The following CSMD3 variants were observed in gnomAD, a reference collection of about 807,000 sequenced individuals.
CSMD3 encodes CUB and sushi domain-containing protein 3.
In CSMD3, 177 loss-of-function variants were observed where a neutral mutation model predicts 435.2. The ratio of observed to expected loss-of-function variants is 0.41; its 90% CI spans 0.36 to 0.46. CSMD3 has a LOEUF of 0.46. Ranked by LOEUF, CSMD3 falls within the 20% of genes least tolerant of loss-of-function variation. CSMD3 has a pLI of 0.34. For missense variants in CSMD3, 4,265 were observed against 4,504.6 expected, an observed-to-expected ratio of 0.95 and a Z score of 1.52; for synonymous variants, 1,656 against 1,520.5, an observed-to-expected ratio of 1.09 and a Z score of -2.07.
intron 3 of CSMD3, among the ~76,000 whole-genome samples, chr8:113,276,216 A>G (rs1461071880): frequency 4.6e-5 from 7 of 152,102 alleles, no homozygotes; most frequent in Admixed American, 4.6e-4. Flanking sequence ...ATGGCCAAAA[A>G]GCCTTTGAAG....
At chr8:112,906,165 G>A (rs2082256417) in intron 10 of CSMD3, among the ~76,000 whole-genome samples, 1 of 151,192 alleles carries the variant, frequency 6.6e-6, no homozygotes, top group East Asian at 2.0e-4. Context: ...CGAATCTATG[G>A]CTATTTAGTA....
At chr8:112,485,395 C>T (rs1185536726) in intron 31 of CSMD3, among the ~76,000 whole-genome samples, 1 of 152,094 alleles carries the variant, frequency 6.6e-6, no homozygotes, top group African/African-American at 2.4e-5. Context: ...AATCTTTTGT[C>T]TGCATGCTTT....
intron 5 of CSMD3, among the ~76,000 whole-genome samples, chr8:113,041,226 TG>T (rs371130335): frequency 0.023 from 933 of 39,976 alleles, 11 homozygotes; most frequent in African/African-American, 0.077. Flanking sequence ...AAGGGGGGGG[TG>T]GGGGGGAAGG....
chr8:113,296,833 C>A (rs759416925), intron 2 of CSMD3, among the ~76,000 whole-genome samples: 6 of 152,048 alleles, frequency 3.9e-5, no homozygotes, highest in Non-Finnish European at 7.4e-5. Flanking sequence ...AAATAGTTGC[C>A]CCATCACGAA....
intron 22 of CSMD3, among the ~76,000 whole-genome samples, chr8:112,605,087 C>T (rs1323767569): frequency 6.6e-6 from 1 of 152,168 alleles, no homozygotes; most frequent in South Asian, 2.1e-4. Context: ...GAGATATCAT[C>T]TGACACCAGC....
chr8:113,322,937 G>C (rs1202426823), intron 1 of CSMD3, among the ~76,000 whole-genome samples: 8 of 152,024 alleles, frequency 5.3e-5, no homozygotes, highest in Non-Finnish European at 8.8e-5. Flanking sequence ...GTAGAGACAA[G>C]GTTTCACTAT....
At chr8:113,275,780 G>A (rs762569762) in intron 3 of CSMD3, among the ~76,000 whole-genome samples, 1 of 151,922 alleles carries the variant, frequency 6.6e-6, no homozygotes, top group Non-Finnish European at 1.5e-5. Context: ...CAGGAAAATC[G>A]CTAGAAGCCT....
intron 13 of CSMD3, among the ~76,000 whole-genome samples, chr8:112,712,881 A>T (rs2076640327): frequency 6.6e-6 from 1 of 152,024 alleles, no homozygotes; most frequent in South Asian, 2.1e-4. Context: ...GACTTCCTTC[A>T]GGACACCCAA....
At chr8:112,653,230 G>A (rs548561213) in intron 18 of CSMD3, among the ~76,000 whole-genome samples, 1 of 152,052 alleles carries the variant, frequency 6.6e-6, no homozygotes, top group East Asian at 1.9e-4. Context: ...TATAGAGCTT[G>A]TTTTTTTAAA....
intron 38 of CSMD3, among the ~76,000 whole-genome samples, chr8:112,373,009 T>A (rs1219402370): frequency 7.7e-6 from 1 of 129,302 alleles, no homozygotes; most frequent in African/African-American, 2.9e-5. Flanking sequence ...TATAAAAATA[T>A]ATATATATAT....
intron 1 of CSMD3, among the ~76,000 whole-genome samples, chr8:113,387,605 T>G (rs191676514): frequency 3.3e-5 from 5 of 151,598 alleles, no homozygotes; most frequent in African/African-American, 1.2e-4. Context: ...AATGCAAATG[T>G]AGACAGACTT....
At chr8:112,606,728 CAGGAG>C (rs1291109788) in intron 22 of CSMD3, among the ~76,000 whole-genome samples, 52 of 151,966 alleles carry the variant, frequency 3.4e-4, no homozygotes, top group African/African-American at 1.2e-3. Context: ...AAGTTGGTAA[CAGGAG>C]GAAAACTAGA....
At chr8:112,305,318 C>A (rs991174809) in intron 51 of CSMD3, among the ~76,000 whole-genome samples, 3 of 151,976 alleles carry the variant, frequency 2.0e-5, no homozygotes, top group Non-Finnish European at 4.4e-5. Flanking sequence ...TAAGTAGAAG[C>A]CTTATTAGAA....
At chr8:112,276,559 A>G (rs1818059730) in intron 59 of CSMD3, among the ~76,000 whole-genome samples, 1 of 151,884 alleles carries the variant, frequency 6.6e-6, no homozygotes. Context: ...AGGAGGAAAA[A>G]ACGGTTTCAT....
At chr8:112,528,524 C>G (rs150566965) in intron 27 of CSMD3, among the ~76,000 whole-genome samples, 1 of 152,018 alleles carries the variant, frequency 6.6e-6, no homozygotes, top group East Asian at 1.9e-4. Flanking sequence ...TACCAAGGAG[C>G]ACTTTAATTT....
intron 2 of CSMD3, among the ~76,000 whole-genome samples, chr8:113,279,071 C>T (rs1023732299): frequency 6.6e-6 from 1 of 151,140 alleles, no homozygotes; most frequent in Non-Finnish European, 1.5e-5. Flanking sequence ...AACCTAGTGA[C>T]TAAGTTACCA....
At chr8:113,157,137 T>C (rs902439441) in intron 4 of CSMD3, among the ~76,000 whole-genome samples, 2 of 152,128 alleles carry the variant, frequency 1.3e-5, no homozygotes, top group Non-Finnish European at 2.9e-5. Flanking sequence ...GCAGTCACTA[T>C]GGAAAATGGT....
At chr8:113,129,339 C>T (rs1298705024) in intron 4 of CSMD3, among the ~76,000 whole-genome samples, 2 of 152,026 alleles carry the variant, frequency 1.3e-5, no homozygotes, top group Non-Finnish European at 2.9e-5. Flanking sequence ...GAGATGATAG[C>T]TTAGAGATTT....
intron 13 of CSMD3, among the ~76,000 whole-genome samples, chr8:112,729,892 T>A (rs930322427): frequency 6.6e-6 from 1 of 152,118 alleles, no homozygotes; most frequent in African/African-American, 2.4e-5. Context: ...ACTTTTTGCC[T>A]CCAGAACTCT....
Sources: allele counts gnomAD v4.1 joint callset (sites outside exome capture counted in the v4.1 genomes callset), GRCh38; gene constraint gnomAD v4.1.1; transcripts MANE v1.5; gene names NCBI Gene and HGNC (gene_info 2026-07-23, HGNC 2026-07-21).